PRR5L: variants seen among roughly 807,000 people sequenced by gnomAD.
PRR5L encodes proline rich 5 like, also known as proline-rich protein 5-like.
A neutral mutation model predicts 36.4 loss-of-function variants in PRR5L; 21 were observed. That is an observed-to-expected ratio of 0.58 (90% CI 0.41 to 0.83). The LOEUF is 0.83. PRR5L is among the 40% of genes least tolerant of loss of function. The pLI is 0.00. For missense variants in PRR5L, 381 were observed against 473.3 expected (o/e 0.80, Z 1.81); for synonymous variants, 188 against 197.0 (o/e 0.95, Z 0.38).
intron 1 of PRR5L, among the ~76,000 whole-genome samples, chr11:36,326,633 C>G (rs1856665400): frequency 6.6e-6 from 1 of 152,142 alleles, no homozygotes; most frequent in Non-Finnish European, 1.5e-5. Context: ...TTCTATTCCT[C>G]ATTTGACTGA....
intron 1 of PRR5L, among the ~76,000 whole-genome samples, chr11:36,309,687 CA>C (rs1856477821): frequency 5.0e-3 from 1 of 200 alleles, no homozygotes; most frequent in Non-Finnish European, 0.014. Context: ...TCAAAGTCTC[CA>C]AAAATGTTTC....
intron 8 of PRR5L, chr11:36,455,315 T>A (rs1010983965): frequency 1.3e-5 from 2 of 152,692 alleles, no homozygotes; most frequent in African/African-American, 4.8e-5. Context: ...GGGAACCAAG[T>A]CCCCAACAAA....
At chr11:36,310,544 A>G (rs1856489834) in intron 1 of PRR5L, among the ~76,000 whole-genome samples, 1 of 152,200 alleles carries the variant, frequency 6.6e-6, no homozygotes, top group African/African-American at 2.4e-5. Context: ...GTAGCCAATA[A>G]AAGATGAATT....
chr11:36,371,509 G>A (rs1291983182), intron 1 of PRR5L, among the ~76,000 whole-genome samples: 3 of 152,154 alleles, frequency 2.0e-5, no homozygotes, highest in Non-Finnish European at 4.4e-5. Context: ...TGTTGCACAC[G>A]GCTGGGAGAT....
chr11:36,332,442 T>A (rs1856728434), intron 1 of PRR5L, among the ~76,000 whole-genome samples: 1 of 152,252 alleles, frequency 6.6e-6, no homozygotes, highest in Admixed American at 6.5e-5. Context: ...AGCCTTGTTC[T>A]GAGACCCTGT....
chr11:36,326,518 C>A (rs564082639), intron 1 of PRR5L, among the ~76,000 whole-genome samples: 12 of 152,306 alleles, frequency 7.9e-5, no homozygotes, highest in African/African-American at 2.9e-4. Context: ...TGATCTACCT[C>A]TTGAGTCTAA....
intron 1 of PRR5L, among the ~76,000 whole-genome samples, chr11:36,386,062 G>A (rs1387426364): frequency 2.0e-5 from 3 of 152,166 alleles, no homozygotes; most frequent in Admixed American, 1.3e-4. Context: ...TTGAGAGGCC[G>A]CAATGGAAGG....
intron 1 of PRR5L, among the ~76,000 whole-genome samples, chr11:36,297,146 G>A (rs1367697925): frequency 6.6e-6 from 1 of 152,182 alleles, no homozygotes; most frequent in Non-Finnish European, 1.5e-5. Flanking sequence ...GGGTCACACA[G>A]TTGTTAAATG....
intron 4 of PRR5L, among the ~76,000 whole-genome samples, chr11:36,426,971 A>T (rs1304288002): frequency 4.6e-5 from 7 of 152,082 alleles, no homozygotes; most frequent in Non-Finnish European, 8.8e-5. Flanking sequence ...GCTTGGCAGG[A>T]GGCATGCATC....
intron 1 of PRR5L, among the ~76,000 whole-genome samples, chr11:36,372,616 C>T (rs919661893): frequency 6.6e-6 from 1 of 152,054 alleles, no homozygotes; most frequent in Admixed American, 6.6e-5. Flanking sequence ...GGAAAATGGG[C>T]GATCAGACTG....
At chr11:36,382,582 ACAATGCGGGTAG>A (rs1857389124) in intron 1 of PRR5L, among the ~76,000 whole-genome samples, 1 of 152,210 alleles carries the variant, frequency 6.6e-6, no homozygotes, top group South Asian at 2.1e-4. Context: ...TTCCCAGACT[ACAATGCGGGTAG>A]CAGGGCACTA....
At chr11:36,408,039 C>T (rs11033595) in intron 3 of PRR5L, among the ~76,000 whole-genome samples, 8,209 of 152,156 alleles carry the variant, frequency 0.054, 311 homozygotes, top group African/African-American at 0.11. Flanking sequence ...TTTGAGAGGC[C>T]AAGGCAGGTG....
At chr11:36,340,445 G>T (rs1856807095) in intron 1 of PRR5L, among the ~76,000 whole-genome samples, 1 of 152,146 alleles carries the variant, frequency 6.6e-6, no homozygotes, top group South Asian at 2.1e-4. Flanking sequence ...TAATGATACA[G>T]AGTGCGCATG....
intron 1 of PRR5L, chr11:36,398,864 T>C (rs1187681550): frequency 6.6e-6 from 1 of 152,238 alleles, no homozygotes; most frequent in Non-Finnish European, 1.5e-5. Context: ...TCTGCTCACT[T>C]TTCTACTTCC....
chr11:36,302,667 A>G (rs909694646), intron 1 of PRR5L, among the ~76,000 whole-genome samples: 1 of 152,072 alleles, frequency 6.6e-6, no homozygotes, highest in Non-Finnish European at 1.5e-5. Context: ...GGCACCTGTA[A>G]TCCCAGCTAC....
chr11:36,440,994 A>T (rs1211447263), intron 6 of PRR5L, among the ~76,000 whole-genome samples: 1 of 152,182 alleles, frequency 6.6e-6, no homozygotes, highest in Admixed American at 6.5e-5. Flanking sequence ...TTCATGAGGG[A>T]TCTGTCCCTA....
intron 4 of PRR5L, among the ~76,000 whole-genome samples, chr11:36,430,918 C>G (rs1231793240): frequency 6.6e-6 from 1 of 152,158 alleles, no homozygotes; most frequent in Non-Finnish European, 1.5e-5. Flanking sequence ...ATGGAGAAGG[C>G]TAAAGAATGC....
chr11:36,415,351 G>A (rs1014017149), intron 3 of PRR5L, among the ~76,000 whole-genome samples: 4 of 152,186 alleles, frequency 2.6e-5, no homozygotes, highest in African/African-American at 4.8e-5. Flanking sequence ...GTTGCCTTAC[G>A]TAATTTCCAG....
intron 1 of PRR5L, among the ~76,000 whole-genome samples, chr11:36,339,086 G>A (rs1477453335): frequency 6.6e-6 from 1 of 152,156 alleles, no homozygotes; most frequent in African/African-American, 2.4e-5. Flanking sequence ...TCAGCCATGT[G>A]GAACTGCAAG....
Sources: allele counts gnomAD v4.1 joint callset (sites outside exome capture counted in the v4.1 genomes callset), GRCh38; gene constraint gnomAD v4.1.1; transcripts MANE v1.5; gene names NCBI Gene and HGNC (gene_info 2026-07-23, HGNC 2026-07-21).